The following SCFD2 variants were observed in gnomAD, a reference collection of about 807,000 sequenced individuals.
SCFD2 encodes sec1 family domain containing 2, also known as sec1 family domain-containing protein 2.
A neutral mutation model predicts 58.9 loss-of-function variants in SCFD2; 54 were observed. The ratio of observed to expected loss-of-function variants is 0.92; its 90% confidence interval spans 0.74 to 1.15. SCFD2 has a LOEUF of 1.15. Ranked by LOEUF, SCFD2 falls within the 50% of genes most tolerant of loss-of-function variation. SCFD2 has a pLI of 0.00. For synonymous variants in SCFD2, 321 were observed against 335.9 expected, an observed-to-expected ratio of 0.96 and a Z score of 0.49; for missense variants, 805 against 836.6, an observed-to-expected ratio of 0.96 and a Z score of 0.47.
intron 5 of SCFD2, among the ~76,000 whole-genome samples, chr4:52,959,304 T>C (rs1208859779): frequency 6.6e-6 from 1 of 152,088 alleles, no homozygotes; most frequent in East Asian, 1.9e-4. Flanking sequence ...GGGTCAGTGC[T>C]CCTCAAAGAG....
intron 5 of SCFD2, among the ~76,000 whole-genome samples, chr4:53,009,063 C>T (rs574704233): frequency 1.3e-5 from 2 of 152,310 alleles, no homozygotes; most frequent in East Asian, 3.9e-4. Context: ...CCACACCTCC[C>T]AACTACCTTT....
intron 2 of SCFD2, among the ~76,000 whole-genome samples, chr4:53,324,109 C>T (rs540450955): frequency 5.3e-5 from 8 of 152,144 alleles, no homozygotes; most frequent in East Asian, 3.9e-4. Context: ...TAAATGTCTT[C>T]GATACTATTT....
Position 53,365,888 on chromosome 4 carries a change from C to T in SCFD2, c.54G>A (p.Leu18=). 6.2e-7 allele frequency: 1 copy of T among 1,603,278 alleles called. No individual in the cohort carries two copies. The highest frequency in any genetic ancestry group is 8.5e-7 in the Non-Finnish European group (1 of 1,177,144). Residue 18 remains leucine (L), a synonymous_variant, in exon 1 of 9, where the codon CTG becomes CTA. Transcript: ENST00000401642. This position sits in a 1 kb window ranked among gnomAD's most constrained non-coding sequence, Gnocchi z 4.3. The part of the protein sequence containing the change: ...SFTQQGWEQV[L]AKVKRAVVYL... The stretch of plus-strand genomic sequence containing the variant: ...AAACCACAGCCCGTTTCACTTTGGC[C>T]AGCACCTGCTCCCATCCTTGCTGGG...
At chr4:53,108,749 C>G (rs1725079052) in intron 5 of SCFD2, among the ~76,000 whole-genome samples, 1 of 152,064 alleles carries the variant, frequency 6.6e-6, no homozygotes, top group African/African-American at 2.4e-5. Flanking sequence ...AAAAAAAGCC[C>G]AGGACCAGAC....
chr4:53,265,808 C>A (rs561861209), intron 4 of SCFD2, among the ~76,000 whole-genome samples: 1 of 152,050 alleles, frequency 6.6e-6, no homozygotes, highest in African/African-American at 2.4e-5. Flanking sequence ...GACGCAATTA[C>A]GGCTCACTGC....
At chr4:52,998,017 T>A (rs555830341) in intron 5 of SCFD2, among the ~76,000 whole-genome samples, 19 of 152,358 alleles carry the variant, frequency 1.2e-4, no homozygotes, top group Admixed American at 1.2e-3. Flanking sequence ...TTGGTATAAA[T>A]GCAAGGGACT....
intron 5 of SCFD2, among the ~76,000 whole-genome samples, chr4:52,936,390 G>C (rs939748697): frequency 3.3e-5 from 5 of 152,108 alleles, no homozygotes; most frequent in African/African-American, 4.8e-5. Context: ...TCTGAACAAG[G>C]TTAACAGCAG....
At position 52,982,256 on chromosome 4, in the gene SCFD2, C is replaced by T. The variant is rs561257678; in HGVS notation, c.1562-61386G>A. On this transcript the variant is annotated intron_variant, in intron 5 of 8. Transcript: ENST00000401642. Reference sequence around the variant, plus strand: ...TTTCACTGTAACTCTCTCCATCACCCGAGTAGAGTTACTATGGCCAAGGGG... The same window carrying T: ...TTTCACTGTAACTCTCTCCATCACCTGAGTAGAGTTACTATGGCCAAGGGG... 1.6e-4 allele frequency among the ~76,000 whole-genome samples: 24 copies of T among 152,188 alleles called. 1 individual carries two copies. Among genetic ancestry groups the T allele is most frequent in the African/African-American group, 4.6e-4 (19 of 41,522 alleles).
intron 5 of SCFD2, among the ~76,000 whole-genome samples, chr4:53,062,898 C>T (rs1404015669): frequency 6.6e-6 from 1 of 152,098 alleles, no homozygotes; most frequent in Non-Finnish European, 1.5e-5. Context: ...AGTAACAAAG[C>T]TGGCTTTATT....
chr4:53,192,213 C>T (rs1273925601), intron 4 of SCFD2, among the ~76,000 whole-genome samples: 1 of 152,086 alleles, frequency 6.6e-6, no homozygotes, highest in Non-Finnish European at 1.5e-5. Context: ...TCAGGTTCAC[C>T]ACTGTCCCCA....
At chr4:53,208,365 G>A (rs1257045350) in intron 4 of SCFD2, among the ~76,000 whole-genome samples, 1 of 152,036 alleles carries the variant, frequency 6.6e-6, no homozygotes, top group Non-Finnish European at 1.5e-5. Context: ...GAGTAATGCA[G>A]GTACATCAAC....
intron 5 of SCFD2, among the ~76,000 whole-genome samples, chr4:53,117,842 A>G (rs1725368714): frequency 6.6e-6 from 1 of 152,244 alleles, no homozygotes; most frequent in Non-Finnish European, 1.5e-5. Flanking sequence ...TTCTTTAAAA[A>G]GCAAGAAAAC....
At chr4:53,212,136 A>T (rs2148981980) in intron 4 of SCFD2, among the ~76,000 whole-genome samples, 1 of 152,190 alleles carries the variant, frequency 6.6e-6, no homozygotes, top group South Asian at 2.1e-4. Flanking sequence ...TGGCACCTCT[A>T]TTCCTTCTGC....
intron 8 of SCFD2, among the ~76,000 whole-genome samples, chr4:52,882,607 G>A (rs768346582): frequency 1.6e-4 from 25 of 152,288 alleles, no homozygotes; most frequent in African/African-American, 4.6e-4. Flanking sequence ...GCAGAAGAAC[G>A]TGGAAAGACT....
chr4:53,024,694 T>G (rs907329364), intron 5 of SCFD2, among the ~76,000 whole-genome samples: 1 of 143,532 alleles, frequency 7.0e-6, no homozygotes, highest in Non-Finnish European at 1.5e-5. Context: ...AAGGTGTTTA[T>G]GTCTCAGGCC....
chr4:53,192,108 T>C (rs1416859364), intron 4 of SCFD2, among the ~76,000 whole-genome samples: 1 of 152,212 alleles, frequency 6.6e-6, no homozygotes, highest in Non-Finnish European at 1.5e-5. Flanking sequence ...CTGACTTCTC[T>C]TAAAAATCTG....
chr4:53,207,888 C>T (rs1728484820), intron 4 of SCFD2, among the ~76,000 whole-genome samples: 1 of 151,270 alleles, frequency 6.6e-6, no homozygotes, highest in African/African-American at 2.4e-5. Flanking sequence ...AGTGGAACCA[C>T]CAGCCAATTA....
intron 6 of SCFD2, among the ~76,000 whole-genome samples, chr4:52,916,336 G>A (rs531140848): frequency 1.8e-4 from 28 of 152,358 alleles, no homozygotes; most frequent in East Asian, 1.2e-3. Context: ...TTGGGAGGCC[G>A]AGGTGGGCAG....
intron 3 of SCFD2, among the ~76,000 whole-genome samples, chr4:53,280,243 C>T (rs922816991): frequency 5.3e-5 from 8 of 152,064 alleles, no homozygotes; most frequent in East Asian, 1.9e-4. Flanking sequence ...AGGCCAGGCA[C>T]GGTGGCTCAC....
Sources: gnomAD v4.1 joint callset for allele counts (sites outside exome capture counted in the v4.1 genomes callset) on GRCh38, gnomAD v4.1.1 for gene constraint, Gnocchi (gnomAD v3.1) non-coding constraint, MANE v1.5 for transcripts, NCBI Gene and HGNC (gene_info 2026-07-23, HGNC 2026-07-21) for gene names.